APLF: variants seen among roughly 807,000 people sequenced by gnomAD.
APLF encodes aprataxin and PNK-like factor.
APLF carries 61 observed loss-of-function variants against 55.6 expected under a neutral mutation model. The observed-to-expected ratio is 1.10, with a 90% confidence interval of 0.89 to 1.36. The LOEUF (loss-of-function observed/expected upper bound fraction) is 1.36. Ranked by LOEUF, APLF falls within the 40% of genes most tolerant of loss-of-function variation. The probability of loss-of-function intolerance (pLI) is 0.00; values close to 1 mark genes in which losing one functional copy is unlikely to be tolerated. For missense variants in APLF, 611 were observed against 602.5 expected (o/e 1.01, Z -0.15); for synonymous variants, 207 against 214.8 (o/e 0.96, Z 0.32).
intron 5 of APLF, among the ~76,000 whole-genome samples, chr2:68,516,555 C>G (rs1042765309): frequency 6.6e-6 from 1 of 151,188 alleles, no homozygotes; most frequent in Non-Finnish European, 1.5e-5. Context: ...GCAGTGTACA[C>G]TGTACCCAGT....
chr2:68,519,230 ATAT>A (rs1669816601), intron 5 of APLF, among the ~76,000 whole-genome samples: 1 of 139,662 alleles, frequency 7.2e-6, no homozygotes, highest in African/African-American at 2.6e-5. Context: ...TTATTACATA[ATAT>A]ATTATATATT....
intron 5 of APLF, among the ~76,000 whole-genome samples, chr2:68,514,457 G>T (rs940270597): frequency 6.6e-6 from 1 of 151,626 alleles, no homozygotes; most frequent in African/African-American, 2.4e-5. Context: ...AATTAATTTG[G>T]CTGGATTCAG....
intron 3 of APLF, among the ~76,000 whole-genome samples, chr2:68,509,969 C>CA (rs1676994777): frequency 6.7e-6 from 1 of 148,498 alleles, no homozygotes; most frequent in African/African-American, 2.5e-5. Flanking sequence ...ATCGCAAGGA[C>CA]AAAAAACCAA....
At chr2:68,518,610 T>TGAA (rs1359534278) in intron 5 of APLF, among the ~76,000 whole-genome samples, 4 of 111,990 alleles carry the variant, frequency 3.6e-5, no homozygotes, top group African/African-American at 1.5e-4. Flanking sequence ...TAATATATCA[T>TGAA]TAATATATCA....
chr2:68,483,532 C>G (rs1316786549), intron 1 of APLF, among the ~76,000 whole-genome samples: 1 of 152,092 alleles, frequency 6.6e-6, no homozygotes, highest in African/African-American at 2.4e-5. Flanking sequence ...GTTTGGGTCC[C>G]TTTTTGGGGG....
intron 8 of APLF, among the ~76,000 whole-genome samples, chr2:68,552,496 G>T (rs1246164774): frequency 6.6e-6 from 1 of 151,956 alleles, no homozygotes; most frequent in South Asian, 2.1e-4. Flanking sequence ...TAAATCTCTG[G>T]AATTTTAGAT....
chr2:68,489,503 A>G (rs1046548792), intron 1 of APLF, among the ~76,000 whole-genome samples: 1 of 152,240 alleles, frequency 6.6e-6, no homozygotes, highest in Non-Finnish European at 1.5e-5. Flanking sequence ...ACATGCAAAC[A>G]ATTTTTGAAC....
At chr2:68,559,863 A>C (rs1016551766) in intron 8 of APLF, among the ~76,000 whole-genome samples, 1 of 152,120 alleles carries the variant, frequency 6.6e-6, no homozygotes, top group East Asian at 1.9e-4. Context: ...TCTTACTCAT[A>C]ACTTTCCAGT....
chr2:68,480,235 G>A (rs1675911239), intron 1 of APLF, among the ~76,000 whole-genome samples: 1 of 151,000 alleles, frequency 6.6e-6, no homozygotes. Flanking sequence ...CTAGATGTAA[G>A]ATCATGTTAT....
At chr2:68,497,454 C>G (rs1676584015) in intron 2 of APLF, among the ~76,000 whole-genome samples, 1 of 152,102 alleles carries the variant, frequency 6.6e-6, no homozygotes, top group Non-Finnish European at 1.5e-5. Flanking sequence ...CCTTCTCTCT[C>G]TTTCTCCTGC....
intron 9 of APLF, among the ~76,000 whole-genome samples, chr2:68,571,281 A>G: frequency 6.6e-6 from 1 of 152,074 alleles, no homozygotes; most frequent in East Asian, 1.9e-4. Context: ...TTTGCTGTGC[A>G]GAAGCTCTTT....
At chr2:68,510,027 T>A (rs1205467940) in intron 3 of APLF, among the ~76,000 whole-genome samples, 1 of 132,650 alleles carries the variant, frequency 7.5e-6, no homozygotes, top group Non-Finnish European at 1.5e-5. Flanking sequence ...ATGAGAACAC[T>A]TGGACACAGG....
Position 68,578,906 on chromosome 2 carries a change from C to T in APLF, c.*884C>T, listed in dbSNP as rs972654876. ...GGCCTCCCATATCAAGAAGAAACCA[C>T]TTATTCTCCAGTTTTACAAAGTATC... On this transcript the variant is annotated 3_prime_UTR_variant, in exon 10 of 10. Coordinates refer to ENST00000303795, the MANE Select transcript of APLF (RefSeq NM_173545.3). 1 of 985,276 alleles carries T rather than the reference C, an allele frequency of 1.0e-6. No individual in the cohort carries two copies. Among genetic ancestry groups the T allele is most frequent in the African/African-American group, 1.7e-5 (1 of 57,342 alleles). The allele number at this position is 985,276 out of a possible 1,614,324, so 61.0% of individuals were successfully genotyped here.
intron 3 of APLF, among the ~76,000 whole-genome samples, chr2:68,511,170 A>G (rs1429620944): frequency 1.3e-5 from 2 of 151,780 alleles, no homozygotes; most frequent in Non-Finnish European, 2.9e-5. Flanking sequence ...TCTTATGACT[A>G]TATGGATTAT....
At chr2:68,520,007 A>G (rs560279509) in intron 5 of APLF, among the ~76,000 whole-genome samples, 1 of 151,974 alleles carries the variant, frequency 6.6e-6, no homozygotes, top group African/African-American at 2.4e-5. Context: ...AATTATGGCC[A>G]TTCTTGCAAG....
intron 1 of APLF, among the ~76,000 whole-genome samples, chr2:68,471,617 A>G (rs1675618507): frequency 6.6e-6 from 1 of 152,200 alleles, no homozygotes; most frequent in African/African-American, 2.4e-5. Context: ...AGTGTTGGGA[A>G]GGCCACAAGG....
intron 1 of APLF, among the ~76,000 whole-genome samples, chr2:68,478,587 A>G (rs985192950): frequency 6.6e-6 from 1 of 152,244 alleles, no homozygotes. Flanking sequence ...TAAAATGTCA[A>G]GGTAACAGAA....
intron 9 of APLF, among the ~76,000 whole-genome samples, chr2:68,573,336 A>G (rs79136040): frequency 0.05 from 7,676 of 152,264 alleles, 274 homozygotes; most frequent in Non-Finnish European, 0.075. Flanking sequence ...CTCTGGAGTT[A>G]GAAATATCTT....
At chr2:68,519,110 A>T (rs1669808794) in intron 5 of APLF, among the ~76,000 whole-genome samples, 1 of 133,834 alleles carries the variant, frequency 7.5e-6, no homozygotes, top group African/African-American at 2.8e-5. Flanking sequence ...AATATAATAT[A>T]TAATATATAA....
Sources: gnomAD v4.1 joint callset for allele counts (sites outside exome capture counted in the v4.1 genomes callset) on GRCh38, gnomAD v4.1.1 for gene constraint, MANE v1.5 for transcripts, NCBI Gene and HGNC (gene_info 2026-07-23, HGNC 2026-07-21) for gene names.